Variants in RALGPS1 observed in about 807,000 individuals in gnomAD.
The protein encoded by RALGPS1 is Ral GEF with PH domain and SH3 binding motif 1, also known as ras-specific guanine nucleotide-releasing factor RalGPS1.
In RALGPS1, 19 loss-of-function variants were observed where a neutral mutation model predicts 78.8. The observed-to-expected ratio is 0.24, with a 90% CI of 0.17 to 0.35. The LOEUF (loss-of-function observed/expected upper bound fraction) is 0.35, where lower values mean the gene tolerates loss of function less well. Among genes scored for constraint, RALGPS1 ranks in the 10% least tolerant of loss-of-function variants. The pLI is 1.00. For synonymous variants in RALGPS1, 228 were observed against 256.3 expected (o/e 0.89, Z 1.06); for missense variants, 454 against 688.3 (o/e 0.66, Z 3.81).
At chr9:126,924,868 G>A (rs1449860863) in intron 1 of RALGPS1, among the ~76,000 whole-genome samples, 1 of 152,186 alleles carries the variant, frequency 6.6e-6, no homozygotes, top group Non-Finnish European at 1.5e-5. Flanking sequence ...GCTGACGCCT[G>A]TAATCCCAGC....
intron 11 of RALGPS1, chr9:127,178,249 A>G (rs2059997066): frequency 1.1e-5 from 4 of 367,158 alleles, no homozygotes; most frequent in South Asian, 7.9e-5. Context: ...GCCAAATCCA[A>G]TAGAAAGCTG....
At chr9:126,923,074 G>A (rs1204413003) in intron 1 of RALGPS1, among the ~76,000 whole-genome samples, 1 of 152,182 alleles carries the variant, frequency 6.6e-6, no homozygotes, top group Non-Finnish European at 1.5e-5. Context: ...CTCCTTAAGT[G>A]TTTATTGGAT....
chr9:127,090,103 T>G (rs1015689389), intron 8 of RALGPS1, among the ~76,000 whole-genome samples: 1 of 152,164 alleles, frequency 6.6e-6, no homozygotes, highest in Non-Finnish European at 1.5e-5. Flanking sequence ...TGGGCCATGA[T>G]TCCAGGCCAC....
In RALGPS1 at chr9:127,122,279, CCCCTGCCTCTCAT is replaced by C. The variant is rs1186713570; in HGVS notation, c.611-43789_611-43777del. On this transcript the variant is annotated intron_variant, in intron 8 of 18. Coordinates refer to ENST00000259351, the MANE Select transcript of RALGPS1 (RefSeq NM_014636.3). The surrounding 1 kb of genome is among the most constrained non-coding windows in gnomAD (Gnocchi z 6.4). Reference sequence around the variant, plus strand: ...CCACGGGGCCAGCGGCTGCCTCTCGCCCCTGCCTCTCATGGCCGCAGAGCTGGCCCCTTACCTC... The same window carrying C: ...CCACGGGGCCAGCGGCTGCCTCTCGCGGCCGCAGAGCTGGCCCCTTACCTC... 1.3e-5 allele frequency: 2 copies of C among 152,378 alleles called. No individual in the cohort carries two copies. The highest frequency in any genetic ancestry group is 2.9e-5 in the Non-Finnish European group (2 of 68,172). 9.4% of individuals were successfully genotyped at this position (152,378 alleles called of 1,614,324 possible).
At chr9:127,017,206 G>T (rs1432530450) in intron 4 of RALGPS1, among the ~76,000 whole-genome samples, 3 of 152,140 alleles carry the variant, frequency 2.0e-5, no homozygotes, top group Non-Finnish European at 2.9e-5. Flanking sequence ...ACACCATATT[G>T]TGTACTTACA....
chr9:126,918,610 C>T (rs2034425182), intron 1 of RALGPS1, among the ~76,000 whole-genome samples: 1 of 151,634 alleles, frequency 6.6e-6, no homozygotes, highest in Non-Finnish European at 1.5e-5. Context: ...CATGAGCCAC[C>T]ACGTCTAGCA....
chr9:126,981,241 C>T (rs1407025597), intron 4 of RALGPS1, among the ~76,000 whole-genome samples: 1 of 152,120 alleles, frequency 6.6e-6, no homozygotes, highest in Non-Finnish European at 1.5e-5. Context: ...TCGGGATGGT[C>T]CTGGAAGAAG....
intron 3 of RALGPS1, among the ~76,000 whole-genome samples, chr9:126,974,175 A>G (rs1180004212): frequency 6.6e-6 from 1 of 152,204 alleles, no homozygotes; most frequent in Non-Finnish European, 1.5e-5. Flanking sequence ...TGCCCAGCCT[A>G]GTTTGACATT....
chr9:126,962,477 C>T (rs1270686621), intron 2 of RALGPS1, 131 bp downstream of exon 2: 1 of 899,868 alleles, frequency 1.1e-6, no homozygotes, highest in Non-Finnish European at 1.7e-6. Context: ...CTCCTAAGGC[C>T]CCTGGCCATG....
intron 4 of RALGPS1, chr9:126,989,908 A>G (rs2042130165): frequency 6.4e-7 from 1 of 1,550,456 alleles, no homozygotes; most frequent in African/African-American, 1.4e-5. Flanking sequence ...CTGGCCTGCC[A>G]GAATGGAAGA....
chr9:126,969,611 G>A (rs142808294), intron 3 of RALGPS1, among the ~76,000 whole-genome samples: 12 of 152,312 alleles, frequency 7.9e-5, no homozygotes, highest in African/African-American at 2.9e-4. Context: ...ATGTTTACTT[G>A]TACTTTTAAG....
chr9:126,977,142 G>T (rs2040742262), intron 3 of RALGPS1, among the ~76,000 whole-genome samples: 1 of 152,132 alleles, frequency 6.6e-6, no homozygotes, highest in Non-Finnish European at 1.5e-5. Context: ...GTGGGCTGGT[G>T]GAATAAACAG....
At chr9:126,992,977 T>C (rs905841140) in intron 4 of RALGPS1, among the ~76,000 whole-genome samples, 1 of 152,218 alleles carries the variant, frequency 6.6e-6, no homozygotes, top group Non-Finnish European at 1.5e-5. Context: ...CCTTTACTCA[T>C]TAAGGATGAT....
At chr9:127,093,165 G>A (rs934730615) in intron 8 of RALGPS1, among the ~76,000 whole-genome samples, 1 of 152,148 alleles carries the variant, frequency 6.6e-6, no homozygotes, top group Non-Finnish European at 1.5e-5. Flanking sequence ...TGTTTAGAGG[G>A]GGAAGAACGA....
chr9:127,190,119 C>T (rs140827680), intron 11 of RALGPS1, among the ~76,000 whole-genome samples: 353 of 152,310 alleles, frequency 2.3e-3, no homozygotes, highest in African/African-American at 8.1e-3. Context: ...CCCATCCTGC[C>T]TCATTTCCCT....
chr9:126,958,981 G>T (rs539779618), intron 1 of RALGPS1, among the ~76,000 whole-genome samples: 3 of 151,800 alleles, frequency 2.0e-5, no homozygotes, highest in African/African-American at 7.3e-5. Context: ...ATCCTGGTAG[G>T]TGTGATGTGG....
chr9:127,043,172 A>G (rs994382450), intron 5 of RALGPS1, among the ~76,000 whole-genome samples: 3 of 152,200 alleles, frequency 2.0e-5, no homozygotes, highest in Non-Finnish European at 4.4e-5. Context: ...CACAATACTG[A>G]AAAAGAATAA....
chr9:127,169,598 A>G (rs972902630), intron 10 of RALGPS1, among the ~76,000 whole-genome samples: 2 of 152,150 alleles, frequency 1.3e-5, no homozygotes, highest in African/African-American at 4.8e-5. Context: ...CCATCTTGTA[A>G]TCAATCATTT....
intron 4 of RALGPS1, among the ~76,000 whole-genome samples, chr9:126,988,763 A>G (rs539648759): frequency 2.3e-4 from 35 of 152,322 alleles, no homozygotes; most frequent in African/African-American, 8.4e-4. Context: ...GGCTGCTGCA[A>G]GGGCCAAGAT....
Sources: gnomAD v4.1 joint callset for allele counts (sites outside exome capture counted in the v4.1 genomes callset) on GRCh38, gnomAD v4.1.1 for gene constraint, Gnocchi (gnomAD v3.1) non-coding constraint, MANE v1.5 for transcripts, NCBI Gene and HGNC (gene_info 2026-07-23, HGNC 2026-07-21) for gene names.